The following TASP1 variants were observed in gnomAD, a reference collection of about 807,000 sequenced individuals.
TASP1 encodes taspase 1.
Under a neutral mutation model 56.6 loss-of-function variants are expected in TASP1, and 16 were observed. That is an observed-to-expected ratio of 0.28 (90% CI 0.19 to 0.43). The LOEUF (loss-of-function observed/expected upper bound fraction) is 0.43, where lower values mean the gene tolerates loss of function less well. Ranked by LOEUF, TASP1 falls within the 20% of genes least tolerant of loss-of-function variation. The pLI, the probability that TASP1 is intolerant of heterozygous loss-of-function variation, is 1.00. For synonymous variants in TASP1, 179 were observed against 184.2 expected, an observed-to-expected ratio of 0.97 and a Z score of 0.23; for missense variants, 393 against 511.6, an observed-to-expected ratio of 0.77 and a Z score of 2.24.
At chr20:13,527,691 G>T (rs2045037095) in intron 10 of TASP1, among the ~76,000 whole-genome samples, 1 of 151,846 alleles carries the variant, frequency 6.6e-6, no homozygotes, top group Non-Finnish European at 1.5e-5. Context: ...ATAAAAAGAA[G>T]ACCTGTATTA....
the TASP1 span, among the ~76,000 whole-genome samples, chr20:13,293,793 G>A: frequency 8.5e-5 from 13 of 152,136 alleles, no homozygotes; most frequent in South Asian, 2.7e-3. Context: ...GGCCAACATG[G>A]GGAAACCCCA....
chr20:13,509,759 T>C (rs1461809026), intron 10 of TASP1, among the ~76,000 whole-genome samples: 1 of 152,196 alleles, frequency 6.6e-6, no homozygotes, highest in Non-Finnish European at 1.5e-5. Flanking sequence ...CCTGACTAGC[T>C]GAGACTACAG....
the TASP1 span, among the ~76,000 whole-genome samples, chr20:13,198,691 C>T: frequency 6.6e-6 from 1 of 152,114 alleles, no homozygotes; most frequent in Non-Finnish European, 1.5e-5. Context: ...TAAAGGGTAA[C>T]TTTGTTTTTC....
chr20:13,388,863 T>C (rs1232208), downstream of TASP1, among the ~76,000 whole-genome samples: 150,649 of 152,326 alleles, frequency 0.99, 74,508 homozygotes, highest in Middle Eastern at 1. Flanking sequence ...ACACCCACTA[T>C]ATTTTGGTTG....
chr20:13,510,043 A>G (rs975793688), intron 10 of TASP1, among the ~76,000 whole-genome samples: 6 of 152,170 alleles, frequency 3.9e-5, no homozygotes, highest in African/African-American at 1.4e-4. Context: ...CAATTTACCT[A>G]TATAACAAAC....
At chr20:13,405,613 C>G (rs2041886880) in intron 13 of TASP1, among the ~76,000 whole-genome samples, 1 of 152,060 alleles carries the variant, frequency 6.6e-6, no homozygotes, top group South Asian at 2.1e-4. Flanking sequence ...GTGGCGTGAT[C>G]TCGGCTCACT....
At chr20:13,150,010 C>T in the TASP1 span, among the ~76,000 whole-genome samples, 1 of 152,190 alleles carries the variant, frequency 6.6e-6, no homozygotes, top group Non-Finnish European at 1.5e-5. Flanking sequence ...CATTGTGTAG[C>T]TAATGATCCG....
At chr20:13,597,682 A>G (rs1004765431) in intron 4 of TASP1, among the ~76,000 whole-genome samples, 1 of 152,152 alleles carries the variant, frequency 6.6e-6, no homozygotes, top group African/African-American at 2.4e-5. Flanking sequence ...TTCTGGCCAG[A>G]GCAATCAGGC....
chr20:13,351,560 A>T, the TASP1 span, among the ~76,000 whole-genome samples: 2 of 152,238 alleles, frequency 1.3e-5, no homozygotes, highest in African/African-American at 4.8e-5. Flanking sequence ...ATATGATTCC[A>T]TTTATACAAC....
At chr20:13,606,747 C>A (rs1167678185) in intron 4 of TASP1, among the ~76,000 whole-genome samples, 1 of 146,964 alleles carries the variant, frequency 6.8e-6, no homozygotes, top group Non-Finnish European at 1.5e-5. Flanking sequence ...GCGGAGCTTG[C>A]AGTGAGCCGA....
chr20:13,105,435 G>A, the TASP1 span, among the ~76,000 whole-genome samples: 1 of 151,996 alleles, frequency 6.6e-6, no homozygotes, highest in African/African-American at 2.4e-5. Flanking sequence ...GCTTCCCTCC[G>A]CAAAATGTAT....
the TASP1 span, among the ~76,000 whole-genome samples, chr20:13,339,979 C>T: frequency 5.3e-5 from 8 of 151,976 alleles, no homozygotes; most frequent in Admixed American, 5.2e-4. Context: ...CACAAGCAAG[C>T]ACAAAGGAGA....
At chr20:13,194,887 T>A in the TASP1 span, among the ~76,000 whole-genome samples, 1 of 152,116 alleles carries the variant, frequency 6.6e-6, no homozygotes, top group Non-Finnish European at 1.5e-5. Flanking sequence ...CTAAGGCTCA[T>A]CCCTGTAACC....
the TASP1 span, among the ~76,000 whole-genome samples, chr20:13,143,334 TA>T: frequency 6.6e-6 from 1 of 152,154 alleles, no homozygotes; most frequent in East Asian, 1.9e-4. Flanking sequence ...ATTTTTCAAA[TA>T]AATGTGTATG....
chr20:13,304,620 C>G, the TASP1 span, among the ~76,000 whole-genome samples: 3 of 152,286 alleles, frequency 2.0e-5, no homozygotes, highest in Non-Finnish European at 2.9e-5. Flanking sequence ...GCACAGAAGA[C>G]TGGAAGTGCT....
chr20:13,204,260 A>C, the TASP1 span, among the ~76,000 whole-genome samples: 1 of 152,162 alleles, frequency 6.6e-6, no homozygotes, highest in Non-Finnish European at 1.5e-5. Flanking sequence ...AGCCAATGAC[A>C]GAGACTCCTC....
the TASP1 span, among the ~76,000 whole-genome samples, chr20:13,381,902 A>G: frequency 6.6e-6 from 1 of 152,190 alleles, no homozygotes; most frequent in African/African-American, 2.4e-5. Context: ...TGGGAAAAGA[A>G]ACTTCTTTCC....
the TASP1 span, among the ~76,000 whole-genome samples, chr20:13,311,243 T>TAGATA: frequency 1.6e-5 from 2 of 127,924 alleles, no homozygotes; most frequent in South Asian, 2.7e-4. Context: ...GATAGATAGA[T>TAGATA]GATAGATAGA....
At chr20:13,355,721 CTCTG>C in the TASP1 span, among the ~76,000 whole-genome samples, 2 of 152,184 alleles carry the variant, frequency 1.3e-5, no homozygotes, top group African/African-American at 2.4e-5. Flanking sequence ...CATGGACTGG[CTCTG>C]TCTTTCATTT....
Sources: gnomAD v4.1 joint callset for allele counts (sites outside exome capture counted in the v4.1 genomes callset) on GRCh38, gnomAD v4.1.1 for gene constraint, MANE v1.5 for transcripts, NCBI Gene and HGNC (gene_info 2026-07-23, HGNC 2026-07-21) for gene names.